FBXL17: variants seen among roughly 807,000 people sequenced by gnomAD.
The protein encoded by FBXL17 is F-box and leucine rich repeat protein 17, also known as F-box/LRR-repeat protein 17.
Under a neutral mutation model 66.2 loss-of-function variants are expected in FBXL17, and 22 were observed. That is an observed-to-expected ratio of 0.33 (90% CI 0.24 to 0.47). The LOEUF is 0.47. Among genes scored for constraint, FBXL17 ranks in the 20% least tolerant of loss-of-function variants. The probability of loss-of-function intolerance (pLI) is 1.00; values close to 1 mark genes in which losing one functional copy is unlikely to be tolerated. For missense variants in FBXL17, 878 were observed against 948.2 expected (o/e 0.93, Z 0.97); for synonymous variants, 474 against 400.5 (o/e 1.18, Z -2.19).
intron 7 of FBXL17, among the ~76,000 whole-genome samples, chr5:107,971,422 T>C (rs577886499): frequency 1.2e-3 from 185 of 152,318 alleles, no homozygotes; most frequent in Non-Finnish European, 2.1e-3. Flanking sequence ...GATTGTAGTA[T>C]ATATGTAGTT....
chr5:108,028,432 C>T (rs1754909474), intron 6 of FBXL17, among the ~76,000 whole-genome samples: 1 of 152,104 alleles, frequency 6.6e-6, no homozygotes, highest in Non-Finnish European at 1.5e-5. Context: ...GTATTTTAAG[C>T]TTACTTTTAA....
chr5:108,126,651 C>CTCTCTCTCTCTCTCTCTCTCTCTATATA (rs1554067324), intron 6 of FBXL17, among the ~76,000 whole-genome samples: 1 of 108,040 alleles, frequency 9.3e-6, no homozygotes, highest in Admixed American at 9.5e-5. Context: ...CTCTCTCTCT[C>CTCTCTCTCTCTCTCTCTCTCTCTATATA]TATATATATA....
intron 4 of FBXL17, among the ~76,000 whole-genome samples, chr5:108,302,808 T>C (rs1026582521): frequency 5.9e-5 from 9 of 151,882 alleles, no homozygotes; most frequent in African/African-American, 2.2e-4. Context: ...AAACCTATGT[T>C]GAAATACAAA....
chr5:108,017,905 A>G (rs1449961312), intron 7 of FBXL17, among the ~76,000 whole-genome samples: 2 of 152,158 alleles, frequency 1.3e-5, no homozygotes, highest in Non-Finnish European at 2.9e-5. Flanking sequence ...TCATATATCA[A>G]TTAAAATAAA....
chr5:107,874,664 G>A (rs971449264), intron 8 of FBXL17, among the ~76,000 whole-genome samples: 4 of 152,180 alleles, frequency 2.6e-5, no homozygotes, highest in South Asian at 2.1e-4. Flanking sequence ...TTTAAATACC[G>A]GAAAGGACTT....
intron 7 of FBXL17, among the ~76,000 whole-genome samples, chr5:107,951,413 G>A (rs10479417): frequency 0.072 from 10,951 of 152,276 alleles, 533 homozygotes; most frequent in South Asian, 0.13. Context: ...ATAAAAAACT[G>A]CCAGTGCATT....
At chr5:108,071,839 G>A (rs1748346311) in intron 6 of FBXL17, among the ~76,000 whole-genome samples, 1 of 151,900 alleles carries the variant, frequency 6.6e-6, no homozygotes, top group Non-Finnish European at 1.5e-5. Context: ...CTAGTTTAGA[G>A]TACAACTCCA....
chr5:108,016,154 C>T (rs1391923624), intron 7 of FBXL17, among the ~76,000 whole-genome samples: 1 of 152,192 alleles, frequency 6.6e-6, no homozygotes, highest in Non-Finnish European at 1.5e-5. Context: ...ACAAAGTGAC[C>T]TCCTTGACTT....
intron 4 of FBXL17, chr5:108,298,484 C>A (rs1580769214): frequency 1.0e-6 from 1 of 974,466 alleles, no homozygotes; most frequent in East Asian, 1.1e-4. Flanking sequence ...GCATCTAAAG[C>A]CCTAAGTTTT....
chr5:107,898,858 C>G (rs1039969749), intron 7 of FBXL17, among the ~76,000 whole-genome samples: 11 of 152,154 alleles, frequency 7.2e-5, no homozygotes, highest in Admixed American at 3.3e-4. Flanking sequence ...TTTTCTTTAT[C>G]CAGTCTATCA....
At chr5:108,154,644 C>CAT (rs1554070082) in intron 6 of FBXL17, among the ~76,000 whole-genome samples, 3 of 134,946 alleles carry the variant, frequency 2.2e-5, no homozygotes, top group Admixed American at 7.3e-5. Context: ...CACACACACA[C>CAT]ACACATATAT....
At chr5:108,374,589 T>C (rs574145931) in intron 1 of FBXL17, among the ~76,000 whole-genome samples, 6 of 152,086 alleles carry the variant, frequency 3.9e-5, no homozygotes, top group Admixed American at 6.6e-5. Flanking sequence ...GGTGGGAGGA[T>C]TGCTTGAGCC....
At chr5:108,020,793 G>A (rs1754567439) in intron 7 of FBXL17, 132 bp downstream of exon 7, 3 of 591,842 alleles carry the variant, frequency 5.1e-6, no homozygotes, top group Admixed American at 5.8e-5. Flanking sequence ...TTATTTTTTG[G>A]TATGGTCACA....
At chr5:108,263,165 A>G (rs1026538068) in intron 4 of FBXL17, among the ~76,000 whole-genome samples, 7 of 152,216 alleles carry the variant, frequency 4.6e-5, no homozygotes, top group African/African-American at 1.7e-4. Flanking sequence ...CTTAGCAAAG[A>G]ATACCTGCAT....
chr5:108,348,343 A>G, intron 4 of FBXL17, 56 bp downstream of exon 4: 2 of 1,442,964 alleles, frequency 1.4e-6, no homozygotes, highest in Non-Finnish European at 1.9e-6. Flanking sequence ...TAAACTTGAA[A>G]GAATTCGAAG....
intron 1 of FBXL17, among the ~76,000 whole-genome samples, chr5:108,373,229 AAATAT>A (rs1749161714): frequency 7.3e-6 from 1 of 137,084 alleles, no homozygotes; most frequent in Non-Finnish European, 1.5e-5. Context: ...ATATTAATAT[AAATAT>A]AATATATATC....
chr5:108,100,387 T>A (rs867544771), intron 6 of FBXL17, among the ~76,000 whole-genome samples: 17 of 152,304 alleles, frequency 1.1e-4, no homozygotes, highest in South Asian at 2.1e-4. Context: ...CAACAATGAA[T>A]TCATGGCTAA....
chr5:107,947,114 C>G (rs1261225591), intron 7 of FBXL17, among the ~76,000 whole-genome samples: 7 of 152,174 alleles, frequency 4.6e-5, no homozygotes, highest in African/African-American at 1.4e-4. Flanking sequence ...TCTAATCACA[C>G]CAACATGACT....
At chr5:108,014,231 C>T (rs12655932) in intron 7 of FBXL17, among the ~76,000 whole-genome samples, 17,802 of 151,862 alleles carry the variant, frequency 0.12, 1,341 homozygotes, top group East Asian at 0.18. Flanking sequence ...TTCAGAAATG[C>T]TAACAGGAAT....
Sources: allele counts gnomAD v4.1 joint callset (sites outside exome capture counted in the v4.1 genomes callset), GRCh38; gene constraint gnomAD v4.1.1; transcripts MANE v1.5; gene names NCBI Gene and HGNC (gene_info 2026-07-23, HGNC 2026-07-21).